The following LAIR1 variants were observed in gnomAD, a reference collection of about 807,000 sequenced individuals.
LAIR1 encodes the protein leukocyte-associated immunoglobulin-like receptor 1.
In LAIR1, 24 loss-of-function variants were observed where a neutral mutation model predicts 32.8. The observed-to-expected ratio is 0.73, with a 90% CI of 0.53 to 1.03. The LOEUF (loss-of-function observed/expected upper bound fraction) is 1.03. Among genes scored for constraint, LAIR1 ranks in the 50% least tolerant of loss-of-function variants. The pLI is 0.00. For synonymous variants in LAIR1, 150 were observed against 140.5 expected, an observed-to-expected ratio of 1.07 and a Z score of -0.48; for missense variants, 355 against 347.5, an observed-to-expected ratio of 1.02 and a Z score of -0.17.
chr19:54,374,535 G>A (rs2082470139), upstream of LAIR1, among the ~76,000 whole-genome samples: 1 of 152,178 alleles, frequency 6.6e-6, no homozygotes, highest in Non-Finnish European at 1.5e-5. Context: ...CCAGATCACA[G>A]CTGTGGTTTT....
At chr19:54,374,133 C>G (rs956446605), upstream of LAIR1, among the ~76,000 whole-genome samples, 2 of 151,484 alleles carry the variant, frequency 1.3e-5, no homozygotes, top group Non-Finnish European at 2.9e-5. Flanking sequence ...TTCTGCCTCA[C>G]GTGAAAAATA....
At chr19:54,368,811 C>T (rs2082332685), upstream of LAIR1, 1 of 151,968 alleles carries the variant, frequency 6.6e-6, no homozygotes, top group South Asian at 2.1e-4. Flanking sequence ...TCTCGGCCTC[C>T]TGAGTAGCTG....
Position 54,364,547 on chromosome 19 carries a change from C to T in LAIR1, c.35-217G>A. 2.5e-6 allele frequency: 2 copies of T among 799,358 alleles called. No individual in the cohort carries two copies. The highest frequency in any genetic ancestry group is 4.4e-6 in the Non-Finnish European group (2 of 459,128). The allele number at this position is 799,358 out of a possible 1,614,324, so 49.5% of individuals were successfully genotyped here. A position where few individuals can be genotyped will look rare whatever the true frequency, so the allele number is the denominator to read the frequency against. ...CTCCTCCAAAAAGGCTCCTGCTCCCCCAGCCCTTCTTAAAGCTGACCTCAT... is the reference window on the plus strand; with the variant it reads ...CTCCTCCAAAAAGGCTCCTGCTCCCTCAGCCCTTCTTAAAGCTGACCTCAT... On this transcript the variant is annotated intron_variant, in intron 1 of 9. Coordinates refer to ENST00000391742, the MANE Select transcript of LAIR1 (RefSeq NM_002287.6). This position sits in a 1 kb window ranked among gnomAD's most constrained non-coding sequence, Gnocchi z 4.8.
upstream of LAIR1, chr19:54,370,673 T>C (rs1439382537): frequency 5.3e-6 from 1 of 187,466 alleles, no homozygotes; most frequent in Non-Finnish European, 1.1e-5. Context: ...AAACAGCTTC[T>C]CCCTGCCCTG....
chr19:54,362,230 A>G (rs529342949), intron 2 of LAIR1, among the ~76,000 whole-genome samples: 3 of 152,336 alleles, frequency 2.0e-5, no homozygotes, highest in African/African-American at 7.2e-5. Flanking sequence ...GATTAACTCT[A>G]GTCATTGTGT....
chr19:54,364,074 T>TAATTATTTATTATTTCAAA lies in LAIR1; in HGVS notation c.70+220_70+221insTTTGAAATAATAAATAATT, dbSNP rs1230481249. 3.7e-4 allele frequency among the ~76,000 whole-genome samples: 56 copies of TAATTATTTATTATTTCAAA among 152,200 alleles called. No individual in the cohort carries two copies. Among genetic ancestry groups the TAATTATTTATTATTTCAAA allele is most frequent in the African/African-American group, 1.3e-3 (54 of 41,550 alleles). ...ATTGCAATTATTTGTCAATTAAAAA[T>TAATTATTTATTATTTCAAA]AAAATTTTTGAAAATAAGAAAAGCA... On this transcript the variant is annotated intron_variant, in intron 2 of 9. Transcript: ENST00000391742. This position sits in a 1 kb window ranked among gnomAD's most constrained non-coding sequence, Gnocchi z 4.8.
At position 54,354,490 on chromosome 19, in the gene LAIR1, G is replaced by T. The variant is rs796346753; in HGVS notation, c.*778C>A. 15 of 152,354 alleles carry T rather than the reference G, an allele frequency of 9.8e-5. No individual in the cohort carries two copies. Among genetic ancestry groups the T allele is most frequent in the African/African-American group, 3.6e-4 (15 of 41,566 alleles). The allele number at this position is 152,354 out of a possible 1,614,324, so 9.4% of individuals were successfully genotyped here. On this transcript the variant is annotated 3_prime_UTR_variant, in exon 10 of 10. Coordinates refer to ENST00000391742, the MANE Select transcript of LAIR1 (RefSeq NM_002287.6). ...TTGTGACTGTCATTGCACAATGTAC[G>T]TGTACGACAAATTATCACATTTTAC...
chr19:54,363,020 GAAA>G (rs79699294), intron 2 of LAIR1, among the ~76,000 whole-genome samples: 1 of 134,708 alleles, frequency 7.4e-6, no homozygotes, highest in Non-Finnish European at 1.6e-5. Context: ...AGGGCTCTGA[GAAA>G]AAAAAAAAAA....
At chr19:54,373,244 C>A (rs530673672), upstream of LAIR1, among the ~76,000 whole-genome samples, 8 of 151,186 alleles carry the variant, frequency 5.3e-5, 2 homozygotes, top group African/African-American at 1.5e-4. Flanking sequence ...TGATCGAGAC[C>A]ATCCTGGCCA....
chr19:54,363,066 A>G (rs897747430), intron 2 of LAIR1, among the ~76,000 whole-genome samples: 4 of 152,094 alleles, frequency 2.6e-5, no homozygotes, highest in African/African-American at 9.7e-5. Context: ...TTAAATGAAA[A>G]TTTTTGAATA....
upstream of LAIR1, among the ~76,000 whole-genome samples, chr19:54,369,869 G>A (rs117325151): frequency 9.9e-3 from 1,427 of 143,946 alleles, 37 homozygotes; most frequent in African/African-American, 0.034. Context: ...ACGTCACTGC[G>A]TTGCTGACCT....
Position 54,351,589 on chromosome 19 carries a change from A to T in LAIR1, c.*3679T>A, listed in dbSNP as rs1601247576. ...AGAGACTAACTGGCATCACCAACCA[A>T]AACACAACATGCTATCACCACAACT... On this transcript the variant is annotated 3_prime_UTR_variant, in exon 10 of 10. Transcript: ENST00000391742. 6.6e-6 allele frequency: 1 copy of T among 152,302 alleles called. No individual in the cohort carries two copies. The highest frequency in any genetic ancestry group is 1.9e-4 in the East Asian group (1 of 5,184). 9.4% of individuals were successfully genotyped at this position (152,302 alleles called of 1,614,324 possible). A position where few individuals can be genotyped will look rare whatever the true frequency, so the allele number is the denominator to read the frequency against.
chr19:54,373,685 G>A (rs374656489), upstream of LAIR1, among the ~76,000 whole-genome samples: 2 of 152,118 alleles, frequency 1.3e-5, no homozygotes, highest in Non-Finnish European at 2.9e-5. Context: ...ATCCCAGCTC[G>A]AACCAGGGAG....
chr19:54,364,389 T>C lies in LAIR1; in HGVS notation c.35-59A>G. The C allele has an allele frequency of 6.2e-7, 1 of 1,609,784 alleles. No individual in the cohort carries two copies. Among genetic ancestry groups the C allele is most frequent in the Non-Finnish European group, 8.5e-7 (1 of 1,176,102 alleles). On this transcript the variant is annotated intron_variant, in intron 1 of 9. Transcript: ENST00000391742. This position sits in a 1 kb window ranked among gnomAD's most constrained non-coding sequence, Gnocchi z 4.8. ...GTGCCCAGTCTCCTTACGGGGCTGCTGTCAAAAGGGGGCTCGATGGAGCTG... is the reference window on the plus strand; with the variant it reads ...GTGCCCAGTCTCCTTACGGGGCTGCCGTCAAAAGGGGGCTCGATGGAGCTG...
chr19:54,366,565 T>G (rs1197294277), upstream of LAIR1, among the ~76,000 whole-genome samples: 1 of 152,116 alleles, frequency 6.6e-6, no homozygotes, highest in East Asian at 1.9e-4. Context: ...CTCGGCTCCC[T>G]GCAACCTCTG....
At position 54,355,997 on chromosome 19, in the gene LAIR1, G is replaced by A. The variant is rs1569185195; in HGVS notation, c.674C>T (p.Thr225Ile). 6.2e-7 allele frequency: 1 copy of A among 1,609,940 alleles called. No individual in the cohort carries two copies. The highest frequency in any genetic ancestry group is 8.5e-7 in the Non-Finnish European group (1 of 1,176,258). The part of the protein sequence containing the change: ...DVLERTADKA[T>I]VNGLPEKDRE... ...GTCCTTCTCAGGAAGTCCATTGACT[G>A]TGGCCTTGTCTTGGGGAGAAAATAC... Residue 225 changes from threonine (T) to isoleucine (I), a missense_variant, in exon 9 of 10, where the codon ACA (threonine) becomes ATA (isoleucine). By Grantham distance (89) the Thr-to-Ile change is moderately conservative. Coordinates refer to ENST00000391742, the MANE Select transcript of LAIR1 (RefSeq NM_002287.6). This position sits in a 1 kb window ranked among gnomAD's most constrained non-coding sequence, Gnocchi z 4.7.
In LAIR1 at chr19:54,355,818, T is replaced by G; in HGVS notation, c.717+136A>C. On this transcript the variant is annotated intron_variant, in intron 9 of 9. Transcript: ENST00000391742. This position sits in a 1 kb window ranked among gnomAD's most constrained non-coding sequence, Gnocchi z 4.7. ...CGGATGCACACAGCCCTGGGCGACC[T>G]CTCGACAGCAACCTCAGGACAGGCC... The G allele has an allele frequency of 3.0e-6, 2 of 677,870 alleles. No homozygotes were observed. The highest frequency in any genetic ancestry group is 3.3e-5 in the South Asian group (2 of 60,204). 42.0% of individuals were successfully genotyped at this position (677,870 alleles called of 1,614,324 possible).
In LAIR1 at chr19:54,355,382, C is replaced by G. The variant is rs749650618; in HGVS notation, c.750G>C (p.Thr250=). Reference sequence around the variant, plus strand: ...GGGCCCAGTGGTCCAGCTGAGCATACGTCACCTCCTGGGAACTCCCTGCAG... The same window carrying G: ...GGGCCCAGTGGTCCAGCTGAGCATAGGTCACCTCCTGGGAACTCCCTGCAG... ...ALAAGSSQEV[T]YAQLDHWALT... The change falls in exon 10 of 10, where the codon ACG becomes ACC. Residue 250 remains threonine, a synonymous_variant. Coordinates refer to ENST00000391742, the MANE Select transcript of LAIR1 (RefSeq NM_002287.6). This position sits in a 1 kb window ranked among gnomAD's most constrained non-coding sequence, Gnocchi z 4.7. 4 of 1,611,452 alleles carry G rather than the reference C, an allele frequency of 2.5e-6. No homozygotes were observed. Among genetic ancestry groups the G allele is most frequent in the Non-Finnish European group, 3.4e-6 (4 of 1,178,682 alleles).
In LAIR1 at chr19:54,361,117, C is replaced by G. The variant is rs1178762265; in HGVS notation, c.163G>C (p.Val55Leu). 6.2e-7 allele frequency: 1 copy of G among 1,614,140 alleles called. No individual in the cohort carries two copies. Residue 55 changes from valine to leucine, a missense_variant, in exon 3 of 10, where the codon GTT becomes CTT. Physicochemically the swap from Val to Leu is conservative, Grantham distance 32. Coordinates refer to ENST00000391742, the MANE Select transcript of LAIR1 (RefSeq NM_002287.6). ...TCCCTCTCCAGGCGGAATGTTTGAACCCCAACCGGGCCCCGGCACACGAAA... is the reference window on the plus strand; with the variant it reads ...TCCCTCTCCAGGCGGAATGTTTGAAGCCCAACCGGGCCCCGGCACACGAAA... ...VTFVCRGPVG[V>L]QTFRLERDSR...
Sources: gnomAD v4.1 joint callset for allele counts (sites outside exome capture counted in the v4.1 genomes callset) on GRCh38, gnomAD v4.1.1 for gene constraint, Gnocchi (gnomAD v3.1) non-coding constraint, MANE v1.5 for transcripts, NCBI Gene and HGNC (gene_info 2026-07-23, HGNC 2026-07-21) for gene names.